The following TENM4 variants were observed in gnomAD, a reference collection of about 807,000 sequenced individuals.
The protein encoded by TENM4 is teneurin transmembrane protein 4.
A neutral mutation model predicts 243.3 loss-of-function variants in TENM4; 82 were observed. The ratio of observed to expected loss-of-function variants is 0.34; its 90% CI spans 0.28 to 0.40. The LOEUF (loss-of-function observed/expected upper bound fraction) is 0.40, where lower values mean the gene tolerates loss of function less well. TENM4 is among the 10% of genes least tolerant of loss of function. The probability of loss-of-function intolerance (pLI) is 1.00; values close to 1 mark genes in which losing one functional copy is unlikely to be tolerated. For missense variants in TENM4, 3,138 were observed against 3,673.3 expected (o/e 0.85, Z 3.77); for synonymous variants, 1,412 against 1,456.3 (o/e 0.97, Z 0.69).
chr11:78,672,000 C>T, intron 31 of TENM4, 33 bp downstream of exon 31: 1 of 1,588,246 alleles, frequency 6.3e-7, no homozygotes, highest in Non-Finnish European at 8.6e-7. Context: ...TTCTGTATGG[C>T]AAGGCCAGTG....
At chr11:79,271,187 C>A (rs569662120) in intron 2 of TENM4, among the ~76,000 whole-genome samples, 6 of 152,076 alleles carry the variant, frequency 3.9e-5, no homozygotes, top group Non-Finnish European at 7.4e-5. Flanking sequence ...AGGGTAAAAG[C>A]AAGCTGCAAG....
At chr11:79,189,134 T>C (rs1045723987) in intron 3 of TENM4, among the ~76,000 whole-genome samples, 4 of 152,254 alleles carry the variant, frequency 2.6e-5, no homozygotes, top group Admixed American at 6.5e-5. Context: ...AGATATGGTA[T>C]GGCACAGAAT....
chr11:79,312,432 T>C (rs113090648), intron 1 of TENM4, among the ~76,000 whole-genome samples: 14 of 152,350 alleles, frequency 9.2e-5, no homozygotes, highest in African/African-American at 3.1e-4. Context: ...GCTTACTTAA[T>C]ACCATACATA....
chr11:79,233,020 T>C (rs1864399941), intron 2 of TENM4, among the ~76,000 whole-genome samples: 1 of 152,204 alleles, frequency 6.6e-6, no homozygotes, highest in Non-Finnish European at 1.5e-5. Context: ...TCTAGGCTTG[T>C]TGGGCATTTT....
At chr11:79,127,670 G>A (rs1205189785) in intron 4 of TENM4, among the ~76,000 whole-genome samples, 2 of 152,172 alleles carry the variant, frequency 1.3e-5, no homozygotes, top group Non-Finnish European at 2.9e-5. Context: ...TTTTGCTTCA[G>A]CAGGATATCA....
intron 6 of TENM4, among the ~76,000 whole-genome samples, chr11:78,935,860 C>T (rs374897959): frequency 3.9e-5 from 6 of 152,278 alleles, no homozygotes; most frequent in African/African-American, 7.2e-5. Context: ...ATTCTAGTTT[C>T]GGTTTTGCAA....
chr11:79,085,005 C>T (rs76339197), intron 4 of TENM4, among the ~76,000 whole-genome samples: 1,683 of 152,260 alleles, frequency 0.011, 40 homozygotes, highest in African/African-American at 0.039. Flanking sequence ...GTAAAGGGTA[C>T]ACAGGCTATC....
intron 4 of TENM4, among the ~76,000 whole-genome samples, chr11:79,132,795 T>C (rs549761447): frequency 6.6e-6 from 1 of 152,186 alleles, no homozygotes; most frequent in South Asian, 2.1e-4. Context: ...TTCTTCGAAC[T>C]TAACGACAAT....
At chr11:78,735,652 C>T (rs988217515) in intron 20 of TENM4, among the ~76,000 whole-genome samples, 3 of 152,210 alleles carry the variant, frequency 2.0e-5, no homozygotes, top group South Asian at 2.1e-4. Flanking sequence ...GCCCAAACAG[C>T]GCAGGGCCAT....
At chr11:79,401,802 AG>A (rs2135557157) in intron 1 of TENM4, among the ~76,000 whole-genome samples, 1 of 152,310 alleles carries the variant, frequency 6.6e-6, no homozygotes, top group South Asian at 2.1e-4. Context: ...GCTGGCCCAG[AG>A]GAGATATGAC....
At chr11:79,286,387 C>T (rs896979003) in intron 2 of TENM4, among the ~76,000 whole-genome samples, 4 of 151,332 alleles carry the variant, frequency 2.6e-5, no homozygotes, top group African/African-American at 9.7e-5. Flanking sequence ...CACGGTGGCT[C>T]ATACCTGTAA....
chr11:79,383,396 C>T (rs375519336), intron 1 of TENM4, among the ~76,000 whole-genome samples: 3 of 152,182 alleles, frequency 2.0e-5, no homozygotes, highest in African/African-American at 7.2e-5. Flanking sequence ...TTCCCTTAAC[C>T]CTGACTGCTC....
At chr11:78,861,299 G>C (rs1038722825) in intron 10 of TENM4, among the ~76,000 whole-genome samples, 2 of 152,204 alleles carry the variant, frequency 1.3e-5, no homozygotes, top group Non-Finnish European at 2.9e-5. Flanking sequence ...ATGCACCTTA[G>C]AGAGAATCTA....
At chr11:79,094,408 A>G (rs745392830) in intron 4 of TENM4, among the ~76,000 whole-genome samples, 4 of 152,150 alleles carry the variant, frequency 2.6e-5, no homozygotes, top group Admixed American at 2.6e-4. Flanking sequence ...CCAAGACCCC[A>G]TGCCTAGGAA....
intron 4 of TENM4, among the ~76,000 whole-genome samples, chr11:79,131,289 G>T (rs1466096272): frequency 6.6e-6 from 1 of 152,162 alleles, no homozygotes; most frequent in Non-Finnish European, 1.5e-5. Context: ...GAAACACGAG[G>T]TAACCTATAA....
At chr11:79,120,204 C>A (rs1263206326) in intron 4 of TENM4, among the ~76,000 whole-genome samples, 1 of 152,204 alleles carries the variant, frequency 6.6e-6, no homozygotes, top group Non-Finnish European at 1.5e-5. Flanking sequence ...ACCTTATAAA[C>A]CAACAGATGA....
intron 1 of TENM4, among the ~76,000 whole-genome samples, chr11:79,298,315 A>C (rs979814885): frequency 6.6e-6 from 1 of 151,828 alleles, no homozygotes; most frequent in Non-Finnish European, 1.5e-5. Flanking sequence ...GGAGATCGAG[A>C]CCATCCTGGC....
At chr11:79,235,540 A>C (rs1040312125) in intron 2 of TENM4, among the ~76,000 whole-genome samples, 1 of 152,178 alleles carries the variant, frequency 6.6e-6, no homozygotes, top group Non-Finnish European at 1.5e-5. Context: ...CATTGTTGGC[A>C]AGACTGTTGT....
chr11:78,738,497 C>A lies in TENM4; in HGVS notation c.2830G>T (p.Val944Phe). The change falls in exon 20 of 34, where the codon GTC (valine) becomes TTC (phenylalanine). Residue 944 changes from valine (V) to phenylalanine (F), a missense_variant. Coordinates refer to ENST00000278550, the MANE Select transcript of TENM4 (RefSeq NM_001098816.3). ...TPLVGVNISF[V>F]NNPLFGYTIS... ...GTATATCCAAAGAGAGGGTTATTGACAAAACTGATGTTCACACCAACCAGG... is the reference window on the plus strand; with the variant it reads ...GTATATCCAAAGAGAGGGTTATTGAAAAAACTGATGTTCACACCAACCAGG... 3 of 1,613,912 alleles carry A rather than the reference C, an allele frequency of 1.9e-6. No individual in the cohort carries two copies. The highest frequency in any genetic ancestry group is 2.5e-6 in the Non-Finnish European group (3 of 1,179,838).
Sources: gnomAD v4.1 joint callset for allele counts (sites outside exome capture counted in the v4.1 genomes callset) on GRCh38, gnomAD v4.1.1 for gene constraint, MANE v1.5 for transcripts, NCBI Gene and HGNC (gene_info 2026-07-23, HGNC 2026-07-21) for gene names.